Variants in VPS13B observed in about 807,000 individuals in gnomAD.
The protein encoded by VPS13B is vacuolar protein sorting 13 homolog B, also known as intermembrane lipid transfer protein VPS13B.
A neutral mutation model predicts 426.4 loss-of-function variants in VPS13B; 285 were observed. The observed-to-expected ratio is 0.67, with a 90% confidence interval of 0.61 to 0.74. VPS13B has a LOEUF of 0.74. VPS13B is among the 30% of genes least tolerant of loss of function. The pLI, the probability that VPS13B is intolerant of heterozygous loss-of-function variation, is 0.00. For synonymous variants in VPS13B, 1,676 were observed against 1,676.4 expected (o/e 1.00, Z 0.01); for missense variants, 4,537 against 4,782.6 (o/e 0.95, Z 1.51).
At chr8:99,461,988 T>C (rs1011300678) in intron 23 of VPS13B, among the ~76,000 whole-genome samples, 2 of 152,182 alleles carry the variant, frequency 1.3e-5, no homozygotes, top group Non-Finnish European at 2.9e-5. Flanking sequence ...TAGCTCAGAA[T>C]ATTGGTTCAA....
chr8:99,105,013 A>G (rs1846967883), intron 5 of VPS13B, among the ~76,000 whole-genome samples: 1 of 152,202 alleles, frequency 6.6e-6, no homozygotes, highest in Non-Finnish European at 1.5e-5. Flanking sequence ...TCCCAGTTAA[A>G]GGGTTAAAGC....
At chr8:99,588,542 A>G (rs1826430609) in intron 33 of VPS13B, among the ~76,000 whole-genome samples, 1 of 151,440 alleles carries the variant, frequency 6.6e-6, no homozygotes, top group South Asian at 2.1e-4. Context: ...GATCCTTTGT[A>G]TGTTGTATTC....
chr8:99,726,693 A>G (rs1044926318), intron 39 of VPS13B, among the ~76,000 whole-genome samples: 1 of 152,128 alleles, frequency 6.6e-6, no homozygotes, highest in Non-Finnish European at 1.5e-5. Flanking sequence ...GCCTTTTTTA[A>G]TCGAGAAAGT....
chr8:99,127,892 ATGTC>A (rs1809515864), intron 8 of VPS13B, among the ~76,000 whole-genome samples: 1 of 152,170 alleles, frequency 6.6e-6, no homozygotes, highest in African/African-American at 2.4e-5. Context: ...AGTATCTTGA[ATGTC>A]TGGCTTAGTA....
chr8:99,706,464 G>A (rs1368192845), intron 36 of VPS13B, among the ~76,000 whole-genome samples: 1 of 152,112 alleles, frequency 6.6e-6, no homozygotes, highest in Non-Finnish European at 1.5e-5. Flanking sequence ...GTGTAAATAT[G>A]GTTCTCTTGG....
At chr8:99,396,928 AT>A (rs1460519447) in intron 21 of VPS13B, among the ~76,000 whole-genome samples, 3 of 152,182 alleles carry the variant, frequency 2.0e-5, no homozygotes, top group Non-Finnish European at 4.4e-5. Flanking sequence ...GAAAAAAAAA[AT>A]GATCCTTCAG....
chr8:99,445,092 A>G (rs1000297240), intron 23 of VPS13B, among the ~76,000 whole-genome samples: 1 of 151,904 alleles, frequency 6.6e-6, no homozygotes, highest in Non-Finnish European at 1.5e-5. Context: ...TCTTTATTAT[A>G]TTCTAGATAC....
At chr8:99,114,726 G>C (rs1030388542) in intron 6 of VPS13B, among the ~76,000 whole-genome samples, 2 of 152,046 alleles carry the variant, frequency 1.3e-5, no homozygotes, top group Non-Finnish European at 2.9e-5. Context: ...CCCCCATATA[G>C]TTTTCTCCCC....
At chr8:99,605,920 AG>A (rs1048262125) in intron 33 of VPS13B, among the ~76,000 whole-genome samples, 5 of 152,142 alleles carry the variant, frequency 3.3e-5, no homozygotes, top group Non-Finnish European at 7.3e-5. Context: ...TTTTGAGACA[AG>A]GTCCCACTGT....
chr8:99,615,066 G>C (rs796585971), intron 33 of VPS13B, among the ~76,000 whole-genome samples: 1 of 144,964 alleles, frequency 6.9e-6, no homozygotes, highest in Non-Finnish European at 1.5e-5. Context: ...GCGGTGAGCC[G>C]AGATTGCGCC....
In VPS13B at chr8:99,854,195, T is replaced by C; in HGVS notation, c.10806T>C (p.Thr3602=). 1 of 1,614,046 alleles carries C rather than the reference T, an allele frequency of 6.2e-7. No individual in the cohort carries two copies. The highest frequency in any genetic ancestry group is 8.5e-7 in the Non-Finnish European group (1 of 1,180,014). ...SVFERGPIFT[T]ARQLVHALAM... ...TTGAAAGAGGACCCATCTTCACCAC[T>C]GCGAGGCAGCTTGTGCACGCCCTGG... Residue 3602 remains threonine (T), a synonymous_variant, in exon 56 of 62, where the codon ACT becomes ACC. Transcript: ENST00000357162.
intron 15 of VPS13B, among the ~76,000 whole-genome samples, chr8:99,163,774 G>A (rs1403484039): frequency 5.0e-5 from 7 of 139,862 alleles, no homozygotes; most frequent in South Asian, 4.3e-4. Context: ...TCCCGCTCGC[G>A]CCTCTCCCTC....
intron 34 of VPS13B, among the ~76,000 whole-genome samples, chr8:99,655,389 C>T (rs1403444990): frequency 6.6e-6 from 1 of 152,154 alleles, no homozygotes; most frequent in Admixed American, 6.5e-5. Context: ...CAGAGTGAGA[C>T]TTTTAGATCA....
At chr8:99,467,950 C>T (rs773532390) in intron 24 of VPS13B, among the ~76,000 whole-genome samples, 2 of 152,132 alleles carry the variant, frequency 1.3e-5, no homozygotes, top group South Asian at 2.1e-4. Flanking sequence ...TTGAACTGAT[C>T]GAGTGTAATT....
intron 2 of VPS13B, among the ~76,000 whole-genome samples, chr8:99,034,233 T>C (rs1842639731): frequency 6.6e-6 from 1 of 152,182 alleles, no homozygotes; most frequent in Admixed American, 6.5e-5. Context: ...TTAAAACAAA[T>C]TCTCTTTTCT....
chr8:99,441,825 T>C (rs535480050), intron 22 of VPS13B, among the ~76,000 whole-genome samples: 1 of 152,280 alleles, frequency 6.6e-6, no homozygotes, highest in African/African-American at 2.4e-5. Flanking sequence ...TTTCCTATTA[T>C]GATGTATTTA....
At chr8:99,051,257 G>A (rs1843534510) in intron 3 of VPS13B, among the ~76,000 whole-genome samples, 2 of 152,214 alleles carry the variant, frequency 1.3e-5, no homozygotes, top group Admixed American at 6.5e-5. Context: ...TGGCTAGCCA[G>A]TTTTCCCAGC....
chr8:99,330,892 A>G (rs996450791), intron 19 of VPS13B, among the ~76,000 whole-genome samples: 1 of 151,744 alleles, frequency 6.6e-6, no homozygotes, highest in Non-Finnish European at 1.5e-5. Flanking sequence ...TCTTAAGGCA[A>G]TTTAGGGTTA....
rs776949310 is a variant in VPS13B, at chr8:99,871,584, GAC to G, written c.11638_11639del (p.Gln3880AlafsTer33). ...EVLFVVSVSE[D>X]TQQQAFPVTE... ...GCTCTTCGTGGTGAGTGTCAGTGAG[GAC>G]ACACAGCAGCAGGCCTTCCCCGTCA... On this transcript the variant is annotated frameshift_variant, in exon 61 of 62. Coordinates refer to ENST00000357162, the MANE Select transcript of VPS13B (RefSeq NM_152564.5). LOFTEE classifies it high-confidence loss of function. The G allele has an allele frequency of 6.2e-7, 1 of 1,614,190 alleles. No individual in the cohort carries two copies. Among genetic ancestry groups the G allele is most frequent in the Non-Finnish European group, 8.5e-7 (1 of 1,180,022 alleles).
Sources: allele counts gnomAD v4.1 joint callset (sites outside exome capture counted in the v4.1 genomes callset), GRCh38; gene constraint gnomAD v4.1.1; transcripts MANE v1.5; gene names NCBI Gene and HGNC (gene_info 2026-07-23, HGNC 2026-07-21).